The following TTC29 variants were observed in gnomAD, a reference collection of about 807,000 sequenced individuals.
TTC29 encodes the protein tetratricopeptide repeat protein 29.
Under a neutral mutation model 58.1 loss-of-function variants are expected in TTC29, and 49 were observed. The ratio of observed to expected loss-of-function variants is 0.84; its 90% CI spans 0.67 to 1.07. The LOEUF is 1.07. Among genes scored for constraint, TTC29 ranks in the 50% least tolerant of loss-of-function variants. TTC29 has a pLI of 0.00. For missense variants in TTC29, 582 were observed against 555.6 expected, an observed-to-expected ratio of 1.05 and a Z score of -0.48; for synonymous variants, 209 against 196.8, an observed-to-expected ratio of 1.06 and a Z score of -0.52.
chr4:146,744,827 C>A (rs1426111984), intron 11 of TTC29, among the ~76,000 whole-genome samples: 3 of 152,030 alleles, frequency 2.0e-5, no homozygotes, highest in Non-Finnish European at 2.9e-5. Flanking sequence ...AGTTTCTATT[C>A]AAGTCATGTT....
intron 11 of TTC29, among the ~76,000 whole-genome samples, chr4:146,744,316 G>A (rs1245823933): frequency 1.3e-5 from 2 of 151,868 alleles, no homozygotes; most frequent in South Asian, 2.1e-4. Context: ...AGGATCACTC[G>A]AGGCCAGGAG....
intron 9 of TTC29, chr4:146,831,840 G>C: frequency 1.5e-5 from 5 of 331,210 alleles, no homozygotes; most frequent in South Asian, 9.8e-5. Context: ...TAACCAAAGG[G>C]GCATTTCAAT....
intron 8 of TTC29, among the ~76,000 whole-genome samples, chr4:146,863,317 T>C (rs1376195519): frequency 6.6e-6 from 1 of 152,190 alleles, no homozygotes; most frequent in East Asian, 1.9e-4. Context: ...CTTGCCTTCC[T>C]GGATACTCCT....
intron 8 of TTC29, among the ~76,000 whole-genome samples, chr4:146,855,693 CT>C (rs1204764708): frequency 6.6e-6 from 1 of 152,124 alleles, no homozygotes; most frequent in African/African-American, 2.4e-5. Flanking sequence ...TGCAATATTA[CT>C]GTTACTTGTA....
At chr4:146,904,143 C>G (rs1232042069) in intron 5 of TTC29, among the ~76,000 whole-genome samples, 2 of 151,954 alleles carry the variant, frequency 1.3e-5, no homozygotes, top group African/African-American at 4.8e-5. Flanking sequence ...GTTTCTCAGC[C>G]ATAGCAAAAG....
At chr4:146,756,487 C>G (rs959180309) in intron 11 of TTC29, among the ~76,000 whole-genome samples, 10 of 152,056 alleles carry the variant, frequency 6.6e-5, no homozygotes, top group African/African-American at 2.4e-4. Context: ...GTTTCACTGT[C>G]TGTTTAGGGT....
chr4:146,720,728 A>C (rs1300668663), intron 11 of TTC29, among the ~76,000 whole-genome samples: 1 of 152,114 alleles, frequency 6.6e-6, no homozygotes, highest in Non-Finnish European at 1.5e-5. Flanking sequence ...CTTTTGACTA[A>C]GCATATTTTT....
chr4:146,720,375 C>A (rs1479252692), intron 11 of TTC29, among the ~76,000 whole-genome samples: 1 of 152,122 alleles, frequency 6.6e-6, no homozygotes, highest in Non-Finnish European at 1.5e-5. Context: ...GAAGGCCTAC[C>A]TATCCAAGGT....
intron 10 of TTC29, among the ~76,000 whole-genome samples, chr4:146,809,963 C>T (rs1278781054): frequency 6.6e-6 from 1 of 152,010 alleles, no homozygotes; most frequent in African/African-American, 2.4e-5. Flanking sequence ...CACATGGACA[C>T]ATATGTTTAT....
chr4:146,938,203 A>T (rs1736027200), intron 3 of TTC29, among the ~76,000 whole-genome samples: 1 of 152,118 alleles, frequency 6.6e-6, no homozygotes, highest in Non-Finnish European at 1.5e-5. Flanking sequence ...CTTATTGAAA[A>T]TGTATTATAC....
chr4:146,887,776 C>A (rs1213995195), intron 6 of TTC29, among the ~76,000 whole-genome samples: 1 of 152,004 alleles, frequency 6.6e-6, no homozygotes, highest in Non-Finnish European at 1.5e-5. Flanking sequence ...TTAGTGCCAC[C>A]CTTACAGCAT....
chr4:146,924,453 T>C (rs767968792), intron 4 of TTC29, among the ~76,000 whole-genome samples: 156 of 152,024 alleles, frequency 1.0e-3, no homozygotes, highest in Non-Finnish European at 6.5e-4. Context: ...AAATCTCTTC[T>C]GTTATCTGTT....
chr4:146,746,748 G>T (rs1026416782), intron 11 of TTC29, among the ~76,000 whole-genome samples: 21 of 152,090 alleles, frequency 1.4e-4, no homozygotes, highest in Non-Finnish European at 2.8e-4. Context: ...TCTAGTTTCT[G>T]CCCCATACAA....
At chr4:146,890,845 T>C (rs550799350) in intron 6 of TTC29, among the ~76,000 whole-genome samples, 1 of 152,182 alleles carries the variant, frequency 6.6e-6, no homozygotes, top group South Asian at 2.1e-4. Flanking sequence ...TTGTTTTCTG[T>C]TTTTTGTTTT....
chr4:146,856,463 C>T (rs567517459), intron 8 of TTC29, among the ~76,000 whole-genome samples: 1 of 151,852 alleles, frequency 6.6e-6, no homozygotes, highest in Admixed American at 6.6e-5. Flanking sequence ...ACTTTCTTTC[C>T]TGACATAAAA....
intron 6 of TTC29, among the ~76,000 whole-genome samples, chr4:146,882,478 T>C (rs1197706892): frequency 6.6e-6 from 1 of 152,124 alleles, no homozygotes; most frequent in African/African-American, 2.4e-5. Context: ...TTGTTTTACT[T>C]TAATGTTCCC....
rs1356255011 is a variant in TTC29 at position 146,809,182 on chromosome 4, A to G, written c.1102-5497T>C. 1.3e-5 allele frequency among the ~76,000 whole-genome samples: 2 copies of G among 150,110 alleles called. 1 individual carries two copies. Among genetic ancestry groups the G allele is most frequent in the African/African-American group, 4.9e-5 (2 of 40,926 alleles). On this transcript the variant is annotated intron_variant, in intron 10 of 12. Coordinates refer to ENST00000325106, the MANE Select transcript of TTC29 (RefSeq NM_031956.4). ...ATGGTGCTGGGAAAACTGGCTAGCC[A>G]TATGCAAAAAACTGAAACTGGGTCC...
In TTC29 at chr4:146,844,413, C is replaced by T. The variant is rs184355482; in HGVS notation, c.886-10516G>A. ...TATTGATGAAGAGATTTTATTCTAA[C>T]TCTCAATCGTTACTGTACTATAAAT... On this transcript the variant is annotated intron_variant, in intron 8 of 12. Coordinates refer to ENST00000325106, the MANE Select transcript of TTC29 (RefSeq NM_031956.4). Among the ~76,000 whole-genome samples, 446 of 152,176 alleles carry T rather than the reference C, an allele frequency of 2.9e-3. 2 individuals are homozygous for T. The highest frequency in any genetic ancestry group is 0.01 in the Middle Eastern group (3 of 294).
intron 11 of TTC29, among the ~76,000 whole-genome samples, chr4:146,750,756 A>G (rs1745920232): frequency 6.6e-6 from 1 of 152,232 alleles, no homozygotes; most frequent in Non-Finnish European, 1.5e-5. Context: ...AAGCTTAGCA[A>G]TACAGAAAAC....
Sources: gnomAD v4.1 joint callset for allele counts (sites outside exome capture counted in the v4.1 genomes callset) on GRCh38, gnomAD v4.1.1 for gene constraint, MANE v1.5 for transcripts, NCBI Gene and HGNC (gene_info 2026-07-23, HGNC 2026-07-21) for gene names.